Variants in OPCML observed in about 807,000 individuals in gnomAD.
The protein encoded by OPCML is opioid-binding protein/cell adhesion molecule.
A neutral mutation model predicts 37.8 loss-of-function variants in OPCML; 13 were observed. The ratio of observed to expected loss-of-function variants is 0.34; its 90% confidence interval spans 0.22 to 0.55. The LOEUF (loss-of-function observed/expected upper bound fraction) is 0.55. Among genes scored for constraint, OPCML ranks in the 20% least tolerant of loss-of-function variants. The probability of loss-of-function intolerance (pLI) is 0.91; values close to 1 mark genes in which losing one functional copy is unlikely to be tolerated. For synonymous variants in OPCML, 176 were observed against 168.8 expected, an observed-to-expected ratio of 1.04 and a Z score of -0.33; for missense variants, 341 against 435.6, an observed-to-expected ratio of 0.78 and a Z score of 1.93.
At chr11:132,466,459 G>T (rs1382883967) in intron 4 of OPCML, among the ~76,000 whole-genome samples, 1 of 151,610 alleles carries the variant, frequency 6.6e-6, no homozygotes, top group African/African-American at 2.4e-5. Flanking sequence ...ACTCCAGCCT[G>T]GGCGACACAG....
intron 2 of OPCML, among the ~76,000 whole-genome samples, chr11:132,715,834 T>C (rs1037500984): frequency 6.6e-6 from 1 of 152,184 alleles, no homozygotes; most frequent in African/African-American, 2.4e-5. Flanking sequence ...TTTTCTCATC[T>C]AGTCTACTGG....
chr11:133,154,094 A>G (rs1371331471), intron 1 of OPCML, among the ~76,000 whole-genome samples: 1 of 152,070 alleles, frequency 6.6e-6, no homozygotes, highest in Non-Finnish European at 1.5e-5. Context: ...TCACACAGAG[A>G]TCTCTGACCA....
At chr11:132,883,223 G>T (rs1465659229) in intron 2 of OPCML, among the ~76,000 whole-genome samples, 2 of 151,876 alleles carry the variant, frequency 1.3e-5, no homozygotes, top group African/African-American at 4.8e-5. Context: ...AGAGACCAAG[G>T]TGCCTAAGAA....
intron 4 of OPCML, among the ~76,000 whole-genome samples, chr11:132,512,928 T>C (rs1262931413): frequency 6.6e-6 from 1 of 151,962 alleles, no homozygotes; most frequent in African/African-American, 2.4e-5. Flanking sequence ...TATAGATATA[T>C]AAATTTGTCA....
intron 2 of OPCML, among the ~76,000 whole-genome samples, chr11:132,693,603 A>G (rs750771017): frequency 1.3e-5 from 2 of 152,248 alleles, no homozygotes; most frequent in African/African-American, 2.4e-5. Flanking sequence ...GTTCTGAAGC[A>G]TTCTTGCCAA....
intron 2 of OPCML, among the ~76,000 whole-genome samples, chr11:132,882,204 A>C (rs1943247414): frequency 6.6e-6 from 1 of 152,260 alleles, no homozygotes; most frequent in Admixed American, 6.5e-5. Context: ...AGTAAATTTA[A>C]AATGCCAACT....
intron 1 of OPCML, among the ~76,000 whole-genome samples, chr11:133,343,098 G>A (rs1943913571): frequency 6.6e-6 from 1 of 151,978 alleles, no homozygotes; most frequent in African/African-American, 2.4e-5. Context: ...CAAATCACTG[G>A]GATTACAGGC....
intron 4 of OPCML, among the ~76,000 whole-genome samples, chr11:132,440,397 C>G (rs963188001): frequency 1.3e-5 from 2 of 151,786 alleles, no homozygotes; most frequent in Non-Finnish European, 2.9e-5. Flanking sequence ...TGGGATTCCA[C>G]GTTTCTGACA....
intron 1 of OPCML, among the ~76,000 whole-genome samples, chr11:133,381,089 G>A (rs1435731325): frequency 1.3e-5 from 2 of 152,250 alleles, no homozygotes; most frequent in African/African-American, 4.8e-5. Flanking sequence ...TGGCAGCAGG[G>A]AAGCCTGACA....
intron 1 of OPCML, among the ~76,000 whole-genome samples, chr11:133,243,475 G>A (rs925716801): frequency 7.9e-5 from 12 of 152,200 alleles, no homozygotes; most frequent in Admixed American, 7.2e-4. Flanking sequence ...ACAGAGCAAG[G>A]TGCAGTGACT....
Position 133,481,272 on chromosome 11 carries a change from G to A in OPCML, c.61+50992C>T, listed in dbSNP as rs934628490. On this transcript the variant is annotated intron_variant, in intron 1 of 7. Transcript: ENST00000524381. ...GTTTACAATCAAATATAACATTAGA[G>A]CTTAAAAGACCCTTAAATAATAAGA... 3.9e-5 allele frequency among the ~76,000 whole-genome samples: 6 copies of A among 151,994 alleles called. No individual in the cohort carries two copies. The East Asian group carries it at 9.6e-4, about 24-fold the overall frequency.
At chr11:132,670,796 T>C (rs1942441245) in intron 2 of OPCML, among the ~76,000 whole-genome samples, 2 of 152,220 alleles carry the variant, frequency 1.3e-5, no homozygotes, top group South Asian at 2.1e-4. Context: ...ATGTTTGCTA[T>C]TATATTTACA....
intron 1 of OPCML, among the ~76,000 whole-genome samples, chr11:133,491,129 GGGTAA>G (rs1309446410): frequency 6.6e-6 from 1 of 152,226 alleles, no homozygotes; most frequent in African/African-American, 2.4e-5. Context: ...TCAATGAACT[GGGTAA>G]GGTCTGTGCA....
intron 1 of OPCML, among the ~76,000 whole-genome samples, chr11:133,078,719 C>T (rs1948661298): frequency 6.6e-6 from 1 of 152,088 alleles, no homozygotes; most frequent in South Asian, 2.1e-4. Flanking sequence ...CCACAATGCT[C>T]GCTTTTACAG....
chr11:133,372,709 A>T (rs1263306560), intron 1 of OPCML, among the ~76,000 whole-genome samples: 1 of 152,330 alleles, frequency 6.6e-6, no homozygotes, highest in South Asian at 2.1e-4. Flanking sequence ...GAGATTCCCA[A>T]TATCATCCTA....
chr11:133,510,715 C>T (rs1000713632), intron 1 of OPCML, among the ~76,000 whole-genome samples: 5 of 152,180 alleles, frequency 3.3e-5, no homozygotes, highest in South Asian at 2.1e-4. Context: ...CTGACCTACA[C>T]GTTACCATGG....
chr11:132,793,313 C>T (rs1483662688), intron 2 of OPCML, among the ~76,000 whole-genome samples: 1 of 152,188 alleles, frequency 6.6e-6, no homozygotes, highest in Non-Finnish European at 1.5e-5. Context: ...GGTCGGAATC[C>T]ATCCGCAGAA....
chr11:132,873,365 C>A (rs1942881047), intron 2 of OPCML, among the ~76,000 whole-genome samples: 1 of 152,106 alleles, frequency 6.6e-6, no homozygotes, highest in Non-Finnish European at 1.5e-5. Flanking sequence ...TCAGGTAAAC[C>A]ATTTCAGTTA....
At chr11:132,850,355 A>G (rs1382301178) in intron 2 of OPCML, among the ~76,000 whole-genome samples, 1 of 152,188 alleles carries the variant, frequency 6.6e-6, no homozygotes, top group African/African-American at 2.4e-5. Flanking sequence ...TTTGCCCATT[A>G]AAAGGCTCAT....
Sources: allele counts gnomAD v4.1 joint callset (sites outside exome capture counted in the v4.1 genomes callset), GRCh38; gene constraint gnomAD v4.1.1; transcripts MANE v1.5; gene names NCBI Gene and HGNC (gene_info 2026-07-23, HGNC 2026-07-21).